The following CSMD1 variants were observed in gnomAD, a reference collection of about 807,000 sequenced individuals.
CSMD1 encodes the protein CUB and sushi domain-containing protein 1.
In CSMD1, 213 loss-of-function variants were observed where a neutral mutation model predicts 417.5. The ratio of observed to expected loss-of-function variants is 0.51; its 90% CI spans 0.46 to 0.57. The LOEUF (loss-of-function observed/expected upper bound fraction) is 0.57, where lower values mean the gene tolerates loss of function less well. Ranked by LOEUF, CSMD1 falls within the 20% of genes least tolerant of loss-of-function variation. The pLI, the probability that CSMD1 is intolerant of heterozygous loss-of-function variation, is 0.00. For missense variants in CSMD1, 6,923 were observed against 4,529.7 expected, an observed-to-expected ratio of 1.53 and a Z score of -15.17; for synonymous variants, 2,862 against 1,736.8, an observed-to-expected ratio of 1.65 and a Z score of -16.11.
At chr8:3,272,229 T>A (rs1376011532) in intron 26 of CSMD1, among the ~76,000 whole-genome samples, 2 of 145,864 alleles carry the variant, frequency 1.4e-5, no homozygotes. Flanking sequence ...TTGTCAAAGA[T>A]CAGATAGTTG....
intron 10 of CSMD1, among the ~76,000 whole-genome samples, chr8:3,531,610 C>A (rs1797983279): frequency 6.6e-6 from 1 of 152,082 alleles, no homozygotes; most frequent in African/African-American, 2.4e-5. Context: ...GGAGGCTGGT[C>A]CACTCCAGGT....
At chr8:3,647,081 G>A (rs1213758764) in intron 7 of CSMD1, among the ~76,000 whole-genome samples, 1 of 152,154 alleles carries the variant, frequency 6.6e-6, no homozygotes, top group African/African-American at 2.4e-5. Flanking sequence ...GAAGTGGAGA[G>A]TCCAGCCCTT....
chr8:4,199,750 T>C (rs1332499942), intron 3 of CSMD1, among the ~76,000 whole-genome samples: 1 of 152,158 alleles, frequency 6.6e-6, no homozygotes, highest in African/African-American at 2.4e-5. Context: ...TCTTAAAATA[T>C]TTTCAAAAAC....
intron 3 of CSMD1, among the ~76,000 whole-genome samples, chr8:4,168,166 C>T (rs1209458651): frequency 2.0e-5 from 3 of 151,308 alleles, no homozygotes; most frequent in Admixed American, 6.6e-5. Context: ...CACACACACA[C>T]ACACACACAC....
intron 2 of CSMD1, among the ~76,000 whole-genome samples, chr8:4,629,088 T>C (rs1280224220): frequency 6.6e-6 from 1 of 152,316 alleles, no homozygotes; most frequent in South Asian, 2.1e-4. Flanking sequence ...TTTATATACT[T>C]AGACATGTTT....
intron 52 of CSMD1, among the ~76,000 whole-genome samples, chr8:3,016,604 A>T: frequency 6.6e-6 from 1 of 152,230 alleles, no homozygotes; most frequent in East Asian, 1.9e-4. Context: ...TTTACCCATT[A>T]GTATGTACAT....
At chr8:2,953,781 G>C (rs1043314157) in intron 65 of CSMD1, among the ~76,000 whole-genome samples, 1 of 152,162 alleles carries the variant, frequency 6.6e-6, no homozygotes, top group Non-Finnish European at 1.5e-5. Flanking sequence ...TAGATGAATG[G>C]AGACACTTGG....
At chr8:4,901,921 A>T (rs1202908378) in intron 1 of CSMD1, among the ~76,000 whole-genome samples, 1 of 152,192 alleles carries the variant, frequency 6.6e-6, no homozygotes, top group Non-Finnish European at 1.5e-5. Flanking sequence ...CGTTAAAAAG[A>T]TTGTCAGTCA....
At chr8:3,290,186 A>C (rs1584938290) in intron 25 of CSMD1, among the ~76,000 whole-genome samples, 1 of 147,030 alleles carries the variant, frequency 6.8e-6, no homozygotes, top group South Asian at 2.1e-4. Flanking sequence ...ATTGGTCTCT[A>C]TCTCTGTTTT....
At chr8:3,873,914 A>G (rs1174484144) in intron 5 of CSMD1, among the ~76,000 whole-genome samples, 3 of 152,158 alleles carry the variant, frequency 2.0e-5, no homozygotes, top group Admixed American at 2.0e-4. Context: ...GATCTTGGAG[A>G]CAACTAGATC....
At chr8:4,466,232 G>C (rs1339733722) in intron 2 of CSMD1, among the ~76,000 whole-genome samples, 1 of 152,062 alleles carries the variant, frequency 6.6e-6, no homozygotes, top group Non-Finnish European at 1.5e-5. Context: ...ATCTCTCCTG[G>C]CTATCCTTCC....
chr8:3,190,711 A>C (rs991264996), intron 33 of CSMD1, among the ~76,000 whole-genome samples: 3 of 152,238 alleles, frequency 2.0e-5, no homozygotes, highest in Non-Finnish European at 4.4e-5. Context: ...CATTCTTCAA[A>C]ATAGTCTAGA....
Position 4,419,989 on chromosome 8 carries a change from C to A in CSMD1, c.379G>T (p.Ala127Ser), listed in dbSNP as rs749582834. The A allele has an allele frequency of 3.8e-5, 60 of 1,588,208 alleles. No homozygotes were observed. The highest frequency in any genetic ancestry group is 4.9e-5 in the Non-Finnish European group (57 of 1,166,320). Reference sequence around the variant, plus strand: ...GCTTTGAAACCTTGGGCACTCACAGCGAAGTCTGTCGTGAACCACAGAGTG... The same window carrying A: ...GCTTTGAAACCTTGGGCACTCACAGAGAAGTCTGTCGTGAACCACAGAGTG... ...ILTLWFTTDF[A>S]VSAQGFKALY... is the part of the protein sequence containing the mutation. The change falls in exon 3 of 70, where the codon GCT (alanine) becomes TCT (serine). Residue 127 changes from alanine (A) to serine (S), a missense_variant. By Grantham distance (99) the Ala-to-Ser change is moderately conservative. Coordinates refer to ENST00000635120, the MANE Select transcript of CSMD1 (RefSeq NM_033225.6).
chr8:3,038,422 C>T (rs1289921310), intron 50 of CSMD1, among the ~76,000 whole-genome samples: 1 of 152,160 alleles, frequency 6.6e-6, no homozygotes, highest in Non-Finnish European at 1.5e-5. Flanking sequence ...CTTAGTGTTC[C>T]ATTCTTTGAC....
intron 1 of CSMD1, among the ~76,000 whole-genome samples, chr8:4,665,343 G>C (rs913669796): frequency 6.6e-6 from 1 of 152,130 alleles, no homozygotes; most frequent in African/African-American, 2.4e-5. Context: ...ATTAACTGAA[G>C]ACTAATTTCC....
Position 4,551,500 on chromosome 8 carries a change from C to T in CSMD1, c.302+85842G>A, listed in dbSNP as rs367735690. Reference sequence around the variant, plus strand: ...GATATTTTAGTTTGCAGAAAAACAACTTGAAATTGAATGCTACCTGCCCAA... The same window carrying T: ...GATATTTTAGTTTGCAGAAAAACAATTTGAAATTGAATGCTACCTGCCCAA... On this transcript the variant is annotated intron_variant, in intron 2 of 69. Coordinates refer to ENST00000635120, the MANE Select transcript of CSMD1 (RefSeq NM_033225.6). Among the ~76,000 whole-genome samples, 226 of 152,212 alleles carry T rather than the reference C, an allele frequency of 1.5e-3. 3 individuals are homozygous for T. The highest frequency in any genetic ancestry group is 0.014 in the South Asian group (66 of 4,824).
At chr8:3,255,515 C>G (rs917672917) in intron 26 of CSMD1, among the ~76,000 whole-genome samples, 1 of 152,210 alleles carries the variant, frequency 6.6e-6, no homozygotes, top group African/African-American at 2.4e-5. Flanking sequence ...GTGGGCTCCA[C>G]CCAGTTCGAG....
chr8:3,257,869 A>C (rs1800776681), intron 26 of CSMD1, among the ~76,000 whole-genome samples: 2 of 152,130 alleles, frequency 1.3e-5, no homozygotes, highest in South Asian at 4.1e-4. Context: ...TCAGTGATCC[A>C]GGGGCCATTG....
intron 26 of CSMD1, among the ~76,000 whole-genome samples, chr8:3,231,053 T>C (rs1230300230): frequency 6.6e-6 from 1 of 152,116 alleles, no homozygotes; most frequent in Non-Finnish European, 1.5e-5. Context: ...CGACTCTGCC[T>C]GCGCCTAATC....
Sources: gnomAD v4.1 joint callset for allele counts (sites outside exome capture counted in the v4.1 genomes callset) on GRCh38, gnomAD v4.1.1 for gene constraint, MANE v1.5 for transcripts, NCBI Gene and HGNC (gene_info 2026-07-23, HGNC 2026-07-21) for gene names.